The following TRIM67 variants were observed in gnomAD, a reference collection of about 807,000 sequenced individuals.
TRIM67 encodes the protein tripartite motif containing 67.
Under a neutral mutation model 71.0 loss-of-function variants are expected in TRIM67, and 39 were observed. That is an observed-to-expected ratio of 0.55 (90% confidence interval 0.43 to 0.72). TRIM67 has a LOEUF of 0.72. Among genes scored for constraint, TRIM67 ranks in the 30% least tolerant of loss-of-function variants. TRIM67 has a pLI of 0.00. For missense variants in TRIM67, 973 were observed against 1,079.2 expected, an observed-to-expected ratio of 0.90 and a Z score of 1.38; for synonymous variants, 481 against 473.9, an observed-to-expected ratio of 1.01 and a Z score of -0.19.
chr1:231,196,936 C>A (rs775914936), intron 1 of TRIM67, among the ~76,000 whole-genome samples: 1 of 152,192 alleles, frequency 6.6e-6, no homozygotes, highest in African/African-American at 2.4e-5. Context: ...AGGGTTTGCA[C>A]CCCAGGCCAG....
intron 1 of TRIM67, among the ~76,000 whole-genome samples, chr1:231,165,586 A>G (rs1460796415): frequency 6.6e-6 from 1 of 152,166 alleles, no homozygotes; most frequent in Non-Finnish European, 1.5e-5. Context: ...TGAGCTGGCA[A>G]CTTTTGGTAG....
At chr1:231,196,802 G>A (rs1350778936) in intron 1 of TRIM67, among the ~76,000 whole-genome samples, 1 of 152,174 alleles carries the variant, frequency 6.6e-6, no homozygotes, top group Non-Finnish European at 1.5e-5. Context: ...AGGGCTAAGG[G>A]TACCAGGCTA....
At chr1:231,190,764 G>A (rs1014925221) in intron 1 of TRIM67, among the ~76,000 whole-genome samples, 2 of 152,190 alleles carry the variant, frequency 1.3e-5, no homozygotes, top group Non-Finnish European at 2.9e-5. Flanking sequence ...GAGCGGGGAA[G>A]CCGGTGGGGT....
chr1:231,217,983 G>A lies in TRIM67; in HGVS notation c.*2543G>A. The stretch of plus-strand genomic sequence containing the variant: ...GATTCTCCCTTTTCTGACTCCTCCA[G>A]GAGCCCAGAAGCAATACGGCCGATG... On this transcript the variant is annotated 3_prime_UTR_variant, in exon 10 of 10. Transcript: ENST00000366653. 1 of 1,231,222 alleles carries A rather than the reference G, an allele frequency of 8.1e-7. No individual in the cohort carries two copies. The highest frequency in any genetic ancestry group is 1.6e-5 in the African/African-American group (1 of 64,282). The allele number at this position is 1,231,222 out of a possible 1,614,324, so 76.3% of individuals were successfully genotyped here.
At chr1:231,190,303 C>G (rs1014443546) in intron 1 of TRIM67, among the ~76,000 whole-genome samples, 4 of 152,156 alleles carry the variant, frequency 2.6e-5, no homozygotes, top group African/African-American at 7.2e-5. Flanking sequence ...AAGCACTGAA[C>G]AGAACATTGG....
chr1:231,218,666 G>C lies in TRIM67; in HGVS notation c.*3226G>C. Reference sequence around the variant, plus strand: ...AGTAATACTGACCCACAAGGTAACTGACCTAAACACTATAAAACTGTATAT... The same window carrying C: ...AGTAATACTGACCCACAAGGTAACTCACCTAAACACTATAAAACTGTATAT... On this transcript the variant is annotated 3_prime_UTR_variant, in exon 10 of 10. Transcript: ENST00000366653. 1.0e-6 allele frequency: 1 copy of C among 985,418 alleles called. No homozygotes were observed. The highest frequency in any genetic ancestry group is 4.7e-5 in the South Asian group (1 of 21,288). 61.0% of individuals were successfully genotyped at this position (985,418 alleles called of 1,614,324 possible).
rs148777973 is a variant in TRIM67, at chr1:231,183,402, C to T, written c.1045-13969C>T. Among the ~76,000 whole-genome samples, 724 of 152,112 alleles carry T rather than the reference C, an allele frequency of 4.8e-3. 2 individuals are homozygous for T. The highest frequency in any genetic ancestry group is 0.016 in the African/African-American group (666 of 41,492). On this transcript the variant is annotated intron_variant, in intron 1 of 9. Coordinates refer to ENST00000366653, the MANE Select transcript of TRIM67 (RefSeq NM_001004342.5). ...TCACTTGAGGCCAGGAATTTGAGAC[C>T]AACCTGGGCAACACAGCAAAACCTC...
At chr1:231,188,175 C>G (rs1683136672) in intron 1 of TRIM67, among the ~76,000 whole-genome samples, 1 of 152,162 alleles carries the variant, frequency 6.6e-6, no homozygotes, top group African/African-American at 2.4e-5. Flanking sequence ...TTGCTTCTGC[C>G]TCCCCCAGAC....
chr1:231,214,086 C>A (rs1313210645), intron 9 of TRIM67, 109 bp downstream of exon 9: 1 of 1,294,828 alleles, frequency 7.7e-7, no homozygotes, highest in Non-Finnish European at 1.0e-6. Context: ...GACCACAGAG[C>A]CTTCCCAGAC....
intron 2 of TRIM67, among the ~76,000 whole-genome samples, 191 bp downstream of exon 2, chr1:231,197,657 T>C (rs1683404391): frequency 6.6e-6 from 1 of 152,152 alleles, no homozygotes; most frequent in Non-Finnish European, 1.5e-5. Flanking sequence ...GAAACCCGTC[T>C]CTACTAAAAA....
chr1:231,192,639 C>A (rs1683264306), intron 1 of TRIM67, among the ~76,000 whole-genome samples: 1 of 152,218 alleles, frequency 6.6e-6, no homozygotes. Flanking sequence ...AAGAAAAGGA[C>A]CAGTGTGTGC....
intron 1 of TRIM67, among the ~76,000 whole-genome samples, chr1:231,187,805 C>T (rs1389836699): frequency 2.6e-5 from 4 of 152,218 alleles, no homozygotes; most frequent in Non-Finnish European, 5.9e-5. Context: ...TGCTGTAGTG[C>T]TTCTGGAGAG....
At chr1:231,204,265 C>T (rs1265780429) in intron 6 of TRIM67, among the ~76,000 whole-genome samples, 1 of 152,192 alleles carries the variant, frequency 6.6e-6, no homozygotes, top group East Asian at 1.9e-4. Flanking sequence ...ACCTCCTTTC[C>T]CGTTTACCCC....
chr1:231,207,113 T>G (rs958182033), intron 7 of TRIM67, among the ~76,000 whole-genome samples: 2 of 152,180 alleles, frequency 1.3e-5, no homozygotes, highest in African/African-American at 4.8e-5. Flanking sequence ...CACAGCTCTT[T>G]GCTGCACCCA....
intron 1 of TRIM67, among the ~76,000 whole-genome samples, chr1:231,176,505 A>G (rs1682753708): frequency 6.6e-6 from 1 of 152,206 alleles, no homozygotes; most frequent in African/African-American, 2.4e-5. Context: ...TTAGCTGTAC[A>G]TCATTGCATG....
chr1:231,186,264 A>G (rs1226221977), intron 1 of TRIM67: 1 of 1,094,872 alleles, frequency 9.1e-7, no homozygotes, highest in African/African-American at 1.6e-5. Flanking sequence ...TTTCTTCCTG[A>G]AGGAGGAGCA....
intron 1 of TRIM67, among the ~76,000 whole-genome samples, chr1:231,182,436 C>T (rs752713758): frequency 2.7e-4 from 41 of 152,036 alleles, no homozygotes; most frequent in Non-Finnish European, 4.6e-4. Context: ...TACACGATTA[C>T]AGTAGAACAG....
intron 1 of TRIM67, among the ~76,000 whole-genome samples, chr1:231,191,005 G>T (rs1683216118): frequency 6.6e-6 from 1 of 152,098 alleles, no homozygotes; most frequent in Admixed American, 6.5e-5. Flanking sequence ...GGTGATCAAG[G>T]CTCCCCACCA....
Position 231,162,097 on chromosome 1 carries a change from G to A in TRIM67, c.-873G>A, listed in dbSNP as rs555998166. The A allele has an allele frequency of 6.6e-6, 1 of 152,228 alleles. No individual in the cohort carries two copies. Among genetic ancestry groups the A allele is most frequent in the East Asian group, 1.9e-4 (1 of 5,152 alleles). The allele number at this position is 152,228 out of a possible 1,614,324, so 9.4% of individuals were successfully genotyped here. A position where few individuals can be genotyped will look rare whatever the true frequency, so the allele number is the denominator to read the frequency against. On this transcript the variant is annotated 5_prime_UTR_variant, in exon 1 of 10. Transcript: ENST00000366653. ...CGCCGCGCGGGGAGGCAGCGGCAGC[G>A]GCGGGAGGGAGGCGGGGAGGGGATT...
Sources: allele counts gnomAD v4.1 joint callset (sites outside exome capture counted in the v4.1 genomes callset), GRCh38; gene constraint gnomAD v4.1.1; transcripts MANE v1.5; gene names NCBI Gene and HGNC (gene_info 2026-07-23, HGNC 2026-07-21).